Variants in RUNX2 observed in about 807,000 individuals in gnomAD.
The protein encoded by RUNX2 is RUNX family transcription factor 2, also known as runt-related transcription factor 2.
RUNX2 carries 10 observed loss-of-function variants against 51.7 expected under a neutral mutation model. The observed-to-expected ratio is 0.19, with a 90% CI of 0.12 to 0.33. The LOEUF is 0.33. Ranked by LOEUF, RUNX2 falls within the 10% of genes least tolerant of loss-of-function variation. The probability of loss-of-function intolerance (pLI) is 1.00; values close to 1 mark genes in which losing one functional copy is unlikely to be tolerated. For missense variants in RUNX2, 562 were observed against 691.3 expected, an observed-to-expected ratio of 0.81 and a Z score of 2.10; for synonymous variants, 276 against 273.6, an observed-to-expected ratio of 1.01 and a Z score of -0.09.
At position 45,399,349 on chromosome 6, in the gene RUNX2, C is replaced by CTTTTTTTTTTTTTT. The variant is rs398048486; in HGVS notation, c.59-23229_59-23216dup. 8.2e-4 allele frequency among the ~76,000 whole-genome samples: 47 copies of CTTTTTTTTTTTTTT among 57,376 alleles called. 9 individuals are homozygous for CTTTTTTTTTTTTTT. Among genetic ancestry groups the CTTTTTTTTTTTTTT allele is most frequent in the Non-Finnish European group, 1.3e-3 (39 of 29,036 alleles). 37.6% of individuals were successfully genotyped at this position (57,376 alleles called of 152,430 possible). Reference sequence around the variant, plus strand: ...CTTTCTCATTTCTTTCTTTTCTTTCCTTTTTTTTTTTTTTTTTTTTTTTTT... The same window carrying CTTTTTTTTTTTTTT: ...CTTTCTCATTTCTTTCTTTTCTTTCCTTTTTTTTTTTTTTTTTTTTTTTTTTTTTTTTTTTTTTT... On this transcript the variant is annotated intron_variant, in intron 2 of 8. Coordinates refer to ENST00000647337, the MANE Select transcript of RUNX2 (RefSeq NM_001024630.4).
chr6:45,437,684 G>T (rs113244517), intron 4 of RUNX2, among the ~76,000 whole-genome samples: 1 of 152,122 alleles, frequency 6.6e-6, no homozygotes, highest in African/African-American at 2.4e-5. Context: ...TACAACTGTT[G>T]CTACTGAGGA....
At chr6:45,355,566 C>A (rs1793006476) in intron 2 of RUNX2, among the ~76,000 whole-genome samples, 1 of 152,062 alleles carries the variant, frequency 6.6e-6, no homozygotes, top group South Asian at 2.1e-4. Flanking sequence ...ATCATGCTAC[C>A]TTAATCACTC....
At chr6:45,440,913 G>A (rs1390072318) in intron 5 of RUNX2, among the ~76,000 whole-genome samples, 1 of 152,108 alleles carries the variant, frequency 6.6e-6, no homozygotes, top group East Asian at 1.9e-4. Context: ...TTCAGATTAA[G>A]GATACTCGAT....
rs1490639289 is a variant in RUNX2, at chr6:45,422,859, C to T, written c.325C>T (p.His109Tyr). The T allele has an allele frequency of 1.2e-6, 2 of 1,611,838 alleles. No homozygotes were observed. Among genetic ancestry groups the T allele is most frequent in the Non-Finnish European group, 8.5e-7 (1 of 1,179,560 alleles). Residue 109 changes from histidine (H) to tyrosine (Y), a missense_variant, in exon 3 of 9, where the codon CAC becomes TAC. His to Tyr is a moderately conservative substitution (Grantham distance 83). Transcript: ENST00000647337. Reference protein sequence around the residue: ...NRTMVEIIADHPAELVRTDSP... With the variant: ...NRTMVEIIADYPAELVRTDSP... ...CACCATGGTGGAGATCATCGCCGAC[C>T]ACCCGGCCGAACTCGTCCGCACCGA...
rs775393896 is a variant in RUNX2 at position 45,534,324 on chromosome 6, C to T, written c.1022-10893C>T. Among the ~76,000 whole-genome samples, 3 of 152,298 alleles carry T rather than the reference C, an allele frequency of 2.0e-5. No homozygotes were observed. In the East Asian group the frequency reaches 5.8e-4, roughly 29 times the overall value. Reference sequence around the variant, plus strand: ...GCTCTGCACTAATGAGCTGTGTCCTCGAGATGGTGCCTTCTTTCTCTGATG... The same window carrying T: ...GCTCTGCACTAATGAGCTGTGTCCTTGAGATGGTGCCTTCTTTCTCTGATG... On this transcript the variant is annotated intron_variant, in intron 7 of 8. Transcript: ENST00000647337.
chr6:45,340,533 A>G (rs925837261), intron 2 of RUNX2, among the ~76,000 whole-genome samples: 31 of 152,066 alleles, frequency 2.0e-4, no homozygotes, highest in African/African-American at 7.0e-4. Context: ...CATGTTGCCC[A>G]GGCTGGTCTC....
At chr6:45,387,572 A>G (rs1004459254) in intron 2 of RUNX2, among the ~76,000 whole-genome samples, 14 of 152,200 alleles carry the variant, frequency 9.2e-5, no homozygotes, top group African/African-American at 3.1e-4. Context: ...ATCCACATTC[A>G]ATGCTTCTAG....
intron 7 of RUNX2, among the ~76,000 whole-genome samples, chr6:45,513,284 C>T (rs1285818204): frequency 3.3e-5 from 5 of 152,300 alleles, no homozygotes; most frequent in East Asian, 1.9e-4. Context: ...CACTCAATGA[C>T]GTACGTCCAC....
intron 7 of RUNX2, among the ~76,000 whole-genome samples, chr6:45,539,651 A>G (rs1802155319): frequency 6.6e-6 from 1 of 152,218 alleles, no homozygotes; most frequent in Non-Finnish European, 1.5e-5. Flanking sequence ...TATTTTGCAT[A>G]TAGTCTACAT....
chr6:45,437,050 A>C (rs923045594), intron 4 of RUNX2, among the ~76,000 whole-genome samples: 2 of 152,202 alleles, frequency 1.3e-5, no homozygotes, highest in African/African-American at 2.4e-5. Flanking sequence ...AACTGATTAC[A>C]ACTGTTAGTA....
intron 7 of RUNX2, among the ~76,000 whole-genome samples, chr6:45,527,400 C>A (rs1801703270): frequency 6.6e-6 from 1 of 152,076 alleles, no homozygotes; most frequent in Non-Finnish European, 1.5e-5. Context: ...AGAATTGTAA[C>A]AGGGGTAGGG....
intron 3 of RUNX2, among the ~76,000 whole-genome samples, chr6:45,426,387 T>C (rs1025581083): frequency 1.3e-5 from 2 of 152,178 alleles, no homozygotes; most frequent in East Asian, 1.9e-4. Context: ...AAGAAGTAAT[T>C]TGCAAATTCA....
At chr6:45,438,485 A>C (rs886752176) in intron 5 of RUNX2, among the ~76,000 whole-genome samples, 3 of 152,218 alleles carry the variant, frequency 2.0e-5, no homozygotes, top group Non-Finnish European at 2.9e-5. Context: ...TCGCCCACTC[A>C]ATTCCCTTTA....
At chr6:45,394,671 G>T (rs1346961590) in intron 2 of RUNX2, among the ~76,000 whole-genome samples, 2 of 152,286 alleles carry the variant, frequency 1.3e-5, no homozygotes, top group East Asian at 1.9e-4. Flanking sequence ...CTGCCATCAA[G>T]TTAGATAGGA....
chr6:45,480,185 A>G (rs1582155928), intron 5 of RUNX2, among the ~76,000 whole-genome samples: 1 of 152,216 alleles, frequency 6.6e-6, no homozygotes. Flanking sequence ...GAGTGGATGG[A>G]TAGGTGGATA....
At chr6:45,334,386 T>G in intron 2 of RUNX2, among the ~76,000 whole-genome samples, 1 of 149,332 alleles carries the variant, frequency 6.7e-6, no homozygotes, top group South Asian at 2.1e-4. Context: ...ACCATACCAT[T>G]ATTTACATAT....
At chr6:45,344,114 G>A (rs990932461) in intron 2 of RUNX2, among the ~76,000 whole-genome samples, 6 of 152,130 alleles carry the variant, frequency 3.9e-5, no homozygotes, top group African/African-American at 1.4e-4. Context: ...CTTTTATTCG[G>A]AGAGATAAAA....
rs557090522 is a variant in RUNX2, at chr6:45,347,801, T to C, written c.58+19017T>C. Among the ~76,000 whole-genome samples the C allele has an allele frequency of 1.0e-4, 11 of 106,536 alleles. No homozygotes were observed. In the South Asian group the frequency reaches 2.7e-3, roughly 26 times the overall value. 69.9% of individuals were successfully genotyped at this position (106,536 alleles called of 152,430 possible). On this transcript the variant is annotated intron_variant, in intron 2 of 8. Coordinates refer to ENST00000647337, the MANE Select transcript of RUNX2 (RefSeq NM_001024630.4). ...AGACGTATATTTCATTAAAACACTG[T>C]TTGTCTATTTATCAGAGAATAATTC...
At chr6:45,470,700 G>A (rs149234534) in intron 5 of RUNX2, among the ~76,000 whole-genome samples, 1 of 152,266 alleles carries the variant, frequency 6.6e-6, no homozygotes, top group East Asian at 1.9e-4. Context: ...GTTTTCCCTT[G>A]GGACTCAGAA....
Sources: allele counts gnomAD v4.1 joint callset (sites outside exome capture counted in the v4.1 genomes callset), GRCh38; gene constraint gnomAD v4.1.1; transcripts MANE v1.5; gene names NCBI Gene and HGNC (gene_info 2026-07-23, HGNC 2026-07-21).